DTNA: variants seen among roughly 807,000 people sequenced by gnomAD.
DTNA encodes dystrophin-related protein 3.
DTNA carries 43 observed loss-of-function variants against 100.7 expected under a neutral mutation model. The ratio of observed to expected loss-of-function variants is 0.43; its 90% CI spans 0.33 to 0.55. The LOEUF (loss-of-function observed/expected upper bound fraction) is 0.55, where lower values mean the gene tolerates loss of function less well. Ranked by LOEUF, DTNA falls within the 20% of genes least tolerant of loss-of-function variation. The pLI is 0.04. For missense variants in DTNA, 798 were observed against 953.9 expected (o/e 0.84, Z 2.15); for synonymous variants, 349 against 347.9 (o/e 1.00, Z -0.04).
chr18:34,882,561 G>A (rs1260494517), intron 21 of DTNA, among the ~76,000 whole-genome samples: 2 of 151,780 alleles, frequency 1.3e-5, no homozygotes, highest in Non-Finnish European at 2.9e-5. Flanking sequence ...GTAGAGAAGG[G>A]GCTTCACCAT....
intron 3 of DTNA, among the ~76,000 whole-genome samples, chr18:34,790,479 GA>G (rs201050108): frequency 6.0e-5 from 8 of 132,238 alleles, no homozygotes; most frequent in Non-Finnish European, 1.3e-4. Flanking sequence ...AGAAAAGAAA[GA>G]AAAAAAACTT....
At chr18:34,854,919 G>A (rs1011458490) in intron 15 of DTNA, among the ~76,000 whole-genome samples, 3 of 152,146 alleles carry the variant, frequency 2.0e-5, no homozygotes, top group African/African-American at 4.8e-5. Flanking sequence ...ACTATTTAAG[G>A]TAGGCAGGGT....
intron 1 of DTNA, among the ~76,000 whole-genome samples, chr18:34,713,540 G>A (rs963783278): frequency 2.8e-4 from 43 of 151,774 alleles, no homozygotes; most frequent in Admixed American, 1.4e-3. Context: ...CTGTAGCCTT[G>A]TAGTATAGTT....
At position 34,804,134 on chromosome 18, in the gene DTNA, G is replaced by A. The variant is rs758710422; in HGVS notation, c.363-2085G>A. 1.6e-4 allele frequency among the ~76,000 whole-genome samples: 24 copies of A among 152,160 alleles called. 1 individual carries two copies. The highest frequency in any genetic ancestry group is 3.9e-4 in the East Asian group (2 of 5,188). On this transcript the variant is annotated intron_variant, in intron 4 of 22. Transcript: ENST00000444659. ...TAGGAGAAAAGCTGTTTTCAGAGCA[G>A]GGTGAATAATGATATTGAGTGGCAT...
chr18:34,590,269 T>C (rs2049579226), intron 1 of DTNA, among the ~76,000 whole-genome samples: 1 of 152,240 alleles, frequency 6.6e-6, no homozygotes, highest in Non-Finnish European at 1.5e-5. Flanking sequence ...TCTTGGGCAG[T>C]ATCTATTTTA....
intron 4 of DTNA, among the ~76,000 whole-genome samples, chr18:34,797,272 C>T (rs549140800): frequency 6.6e-5 from 10 of 152,240 alleles, no homozygotes; most frequent in African/African-American, 2.2e-4. Context: ...AATCTCTCCA[C>T]GGCCAGAGGT....
intron 1 of DTNA, among the ~76,000 whole-genome samples, chr18:34,672,575 A>G (rs2076897685): frequency 6.6e-6 from 1 of 152,194 alleles, no homozygotes; most frequent in African/African-American, 2.4e-5. Context: ...TGTATAAAGT[A>G]CGTGAATAAA....
At chr18:34,674,225 T>A (rs545124741) in intron 1 of DTNA, among the ~76,000 whole-genome samples, 1 of 152,324 alleles carries the variant, frequency 6.6e-6, no homozygotes, top group African/African-American at 2.4e-5. Flanking sequence ...CTGTGTGATC[T>A]TGCCCTTCCG....
At chr18:34,634,697 T>TA (rs905401560) in intron 1 of DTNA, among the ~76,000 whole-genome samples, 46 of 152,096 alleles carry the variant, frequency 3.0e-4, no homozygotes, top group African/African-American at 1.0e-3. Context: ...TTGTTTCTTT[T>TA]AAAAAAAATT....
chr18:34,825,753 A>C (rs771457981), intron 9 of DTNA, among the ~76,000 whole-genome samples: 30 of 152,338 alleles, frequency 2.0e-4, no homozygotes, highest in Non-Finnish European at 3.7e-4. Context: ...AGCTAGTTAA[A>C]AAGCATTCTA....
rs1223691700 is a variant in DTNA at position 34,755,995 on chromosome 18, A to G, written c.19A>G (p.Lys7Glu). MIEDSG[K>E]RGNTMAERRQ... is the part of the protein sequence containing the mutation. The stretch of plus-strand genomic sequence containing the variant: ...TCATAGAATGATTGAAGATAGTGGG[A>G]AAAGAGGAAATACCATGGCAGAAAG... The change falls in exon 2 of 23, where the codon AAA becomes GAA. Residue 7 changes from lysine (K) to glutamate (E), a missense_variant. By Grantham distance (56) the Lys-to-Glu change is moderately conservative. Coordinates refer to ENST00000444659, the MANE Select transcript of DTNA (RefSeq NM_001386795.1). 6.2e-7 allele frequency: 1 copy of G among 1,613,382 alleles called. No homozygotes were observed. The highest frequency in any genetic ancestry group is 8.5e-7 in the Non-Finnish European group (1 of 1,179,576).
chr18:34,794,758 A>C (rs2094897556), intron 4 of DTNA, among the ~76,000 whole-genome samples: 1 of 152,222 alleles, frequency 6.6e-6, no homozygotes, highest in South Asian at 2.1e-4. Context: ...CGATCATAAA[A>C]TAAGGGGATG....
At chr18:34,847,347 A>G (rs2096398151) in intron 13 of DTNA, among the ~76,000 whole-genome samples, 1 of 152,236 alleles carries the variant, frequency 6.6e-6, no homozygotes, top group Non-Finnish European at 1.5e-5. Flanking sequence ...CTCTGAAAGT[A>G]AATATAAAAG....
At chr18:34,504,010 T>A (rs956127606) in intron 1 of DTNA, 5 of 151,926 alleles carry the variant, frequency 3.3e-5, no homozygotes, top group Admixed American at 6.6e-5. Context: ...AATTTTATTT[T>A]TTTTCTTTCT....
intron 5 of DTNA, among the ~76,000 whole-genome samples, chr18:34,807,007 CT>C (rs1260130580): frequency 2.0e-5 from 3 of 152,024 alleles, no homozygotes; most frequent in Admixed American, 1.3e-4. Context: ...TGAACCCTGA[CT>C]TTTTTTTCTA....
At chr18:34,664,065 C>G (rs1299777739) in intron 1 of DTNA, among the ~76,000 whole-genome samples, 1 of 152,066 alleles carries the variant, frequency 6.6e-6, no homozygotes, top group Non-Finnish European at 1.5e-5. Context: ...TTGAATTTCA[C>G]TGTTGTATCA....
intron 1 of DTNA, among the ~76,000 whole-genome samples, chr18:34,555,336 T>G (rs1393572006): frequency 1.3e-5 from 2 of 149,518 alleles, no homozygotes; most frequent in Non-Finnish European, 3.0e-5. Context: ...GCTCCTGGAT[T>G]CATTAATTTT....
At chr18:34,881,951 T>TG (rs1172573048) in intron 20 of DTNA, 118 bp from the exon 21 acceptor site, 2 of 1,395,124 alleles carry the variant, frequency 1.4e-6, no homozygotes, top group Non-Finnish European at 2.0e-6. Context: ...GACATGAAAG[T>TG]GACTTGGAGA....
At chr18:34,687,222 A>C (rs2079029780) in intron 1 of DTNA, among the ~76,000 whole-genome samples, 1 of 151,864 alleles carries the variant, frequency 6.6e-6, no homozygotes, top group Non-Finnish European at 1.5e-5. Context: ...TAGTTCTTTT[A>C]ATTGTGATGT....
Sources: gnomAD v4.1 joint callset for allele counts (sites outside exome capture counted in the v4.1 genomes callset) on GRCh38, gnomAD v4.1.1 for gene constraint, MANE v1.5 for transcripts, NCBI Gene and HGNC (gene_info 2026-07-23, HGNC 2026-07-21) for gene names.